POLR3B: variants seen among roughly 807,000 people sequenced by gnomAD.
POLR3B encodes RNA polymerase III subunit B.
A neutral mutation model predicts 147.4 loss-of-function variants in POLR3B; 96 were observed. The ratio of observed to expected loss-of-function variants is 0.65; its 90% CI spans 0.55 to 0.77. The LOEUF (loss-of-function observed/expected upper bound fraction) is 0.77, where lower values mean the gene tolerates loss of function less well. POLR3B is among the 30% of genes least tolerant of loss of function. The pLI is 0.00. For synonymous variants in POLR3B, 461 were observed against 485.9 expected (o/e 0.95, Z 0.67); for missense variants, 1,036 against 1,413.5 (o/e 0.73, Z 4.28).
At chr12:106,415,108 G>C (rs1011710445) in intron 12 of POLR3B, among the ~76,000 whole-genome samples, 1 of 152,142 alleles carries the variant, frequency 6.6e-6, no homozygotes, top group Non-Finnish European at 1.5e-5. Context: ...CAGTGTAACT[G>C]TTAGAGCACA....
chr12:106,490,435 G>A (rs908634803), intron 23 of POLR3B, among the ~76,000 whole-genome samples: 8 of 152,256 alleles, frequency 5.3e-5, no homozygotes, highest in East Asian at 1.9e-4. Flanking sequence ...GTCTTCTAGC[G>A]CCTCCTCTCA....
At chr12:106,498,889 T>G (rs1011947563) in intron 25 of POLR3B, among the ~76,000 whole-genome samples, 61 of 152,338 alleles carry the variant, frequency 4.0e-4, no homozygotes, top group African/African-American at 1.4e-3. Flanking sequence ...CCCTAAGGTT[T>G]TAAACCACTT....
chr12:106,469,725 A>C (rs906805094), intron 23 of POLR3B, among the ~76,000 whole-genome samples: 1 of 152,148 alleles, frequency 6.6e-6, no homozygotes, highest in South Asian at 2.1e-4. Flanking sequence ...GTTTGGCTGG[A>C]TATGAAATTC....
intron 11 of POLR3B, among the ~76,000 whole-genome samples, chr12:106,407,167 T>C (rs2037161725): frequency 6.6e-6 from 1 of 152,220 alleles, no homozygotes; most frequent in African/African-American, 2.4e-5. Context: ...TAAGCTCTTT[T>C]GGATGATTGG....
At chr12:106,480,370 G>C (rs2038249005) in intron 23 of POLR3B, among the ~76,000 whole-genome samples, 1 of 152,132 alleles carries the variant, frequency 6.6e-6, no homozygotes, top group Non-Finnish European at 1.5e-5. Flanking sequence ...CTACTTTATT[G>C]TTGTGCCATT....
rs1028189806 is a variant in POLR3B at position 106,450,839 on chromosome 12, A to T, written c.2084-3663A>T. Among the ~76,000 whole-genome samples the T allele has an allele frequency of 2.6e-5, 4 of 152,204 alleles. No homozygotes were observed. In the South Asian group the frequency reaches 8.3e-4, roughly 32 times the overall value. On this transcript the variant is annotated intron_variant, in intron 19 of 27. Transcript: ENST00000228347. ...CAAACAACCCAGAAATTGCATTCCT[A>T]GGTATTAAATATTTACCCAAGTAAT...
chr12:106,452,802 G>A (rs962610024), intron 19 of POLR3B, among the ~76,000 whole-genome samples: 6 of 152,116 alleles, frequency 3.9e-5, no homozygotes, highest in African/African-American at 1.4e-4. Context: ...GTTTCAGTTT[G>A]ACTTGTTTTT....
In POLR3B at chr12:106,383,359, G is replaced by C. The variant is rs369689615; in HGVS notation, c.723+3220G>C. Among the ~76,000 whole-genome samples, 163 of 152,228 alleles carry C rather than the reference G, an allele frequency of 1.1e-3. 4 individuals are homozygous for C. The East Asian group carries it at 0.017, about 16-fold the overall frequency. ...AACTTTTCCTTTGTGTGCACAACTT[G>C]GTGCAGGAGGCCTAGCTTTTGGCCT... is the stretch of plus-strand genomic sequence containing the variant. On this transcript the variant is annotated intron_variant, in intron 9 of 27. Coordinates refer to ENST00000228347, the MANE Select transcript of POLR3B (RefSeq NM_018082.6).
In POLR3B at chr12:106,393,022, C is replaced by G. The variant is rs773148443; in HGVS notation, c.724-9C>G. ...CCAACACTCTTTCTATCTTTTCTTT[C>G]CTTCCTAGGCCATGGGTGTTGAGAG... On this transcript the variant is annotated splice_polypyrimidine_tract_variant and intron_variant, in intron 9 of 27. Coordinates refer to ENST00000228347, the MANE Select transcript of POLR3B (RefSeq NM_018082.6). 1.2e-6 allele frequency: 2 copies of G among 1,614,048 alleles called. No homozygotes were observed. Among genetic ancestry groups the G allele is most frequent in the Admixed American group, 3.3e-5 (2 of 60,000 alleles).
chr12:106,389,715 A>C (rs1225860279), intron 9 of POLR3B, among the ~76,000 whole-genome samples: 1 of 151,958 alleles, frequency 6.6e-6, no homozygotes, highest in African/African-American at 2.4e-5. Context: ...TCTGAGTGTC[A>C]TGTCTGTACT....
chr12:106,365,941 T>C (rs1429582485), intron 2 of POLR3B, among the ~76,000 whole-genome samples: 4 of 152,034 alleles, frequency 2.6e-5, no homozygotes, highest in Non-Finnish European at 5.9e-5. Flanking sequence ...TCAATATCAC[T>C]GTCTTCCATC....
chr12:106,361,596 A>G (rs754680717), intron 1 of POLR3B, among the ~76,000 whole-genome samples: 6 of 152,164 alleles, frequency 3.9e-5, no homozygotes, highest in Non-Finnish European at 7.4e-5. Context: ...CACTGTGGTA[A>G]CAGGATAGAC....
intron 27 of POLR3B, among the ~76,000 whole-genome samples, chr12:106,509,050 T>C (rs984830723): frequency 6.6e-5 from 10 of 152,224 alleles, no homozygotes; most frequent in Admixed American, 2.0e-4. Context: ...CTTTAAACAA[T>C]GAAAAAAATT....
chr12:106,430,980 C>T (rs936061181), intron 14 of POLR3B, among the ~76,000 whole-genome samples: 1 of 152,152 alleles, frequency 6.6e-6, no homozygotes, highest in African/African-American at 2.4e-5. Context: ...TTCTATAGCA[C>T]CCGCTACTCC....
rs547835696 is a variant in POLR3B at position 106,459,329 on chromosome 12, A to G, written c.2531A>G (p.Asn844Ser). 9 of 1,600,586 alleles carry G rather than the reference A, an allele frequency of 5.6e-6. No individual in the cohort carries two copies. The highest frequency in any genetic ancestry group is 7.7e-6 in the Non-Finnish European group (9 of 1,167,686). ...ACTCAGATTCCTTTGGAAGGAAGTA[A>G]TGTACCACAGCAACCACAGTACAAA... is the stretch of plus-strand genomic sequence containing the variant. ...TVTQIPLEGS[N>S]VPQQPQYKDV... Residue 844 changes from asparagine (N) to serine (S), a missense_variant, in exon 22 of 28, where the codon AAT becomes AGT. Asn to Ser is a conservative substitution (Grantham distance 46, BLOSUM62 1). Transcript: ENST00000228347.
At chr12:106,473,896 A>G (rs1480455523) in intron 23 of POLR3B, among the ~76,000 whole-genome samples, 1 of 151,300 alleles carries the variant, frequency 6.6e-6, no homozygotes, top group Non-Finnish European at 1.5e-5. Context: ...AACTTCCAAC[A>G]CTATGTTGAA....
At chr12:106,367,906 A>C (rs2036554705) in intron 4 of POLR3B, among the ~76,000 whole-genome samples, 1 of 152,174 alleles carries the variant, frequency 6.6e-6, no homozygotes, top group South Asian at 2.1e-4. Flanking sequence ...TTGTGGGCTT[A>C]TCTAATGGTG....
chr12:106,481,483 A>T (rs2038267542), intron 23 of POLR3B, among the ~76,000 whole-genome samples: 1 of 152,144 alleles, frequency 6.6e-6, no homozygotes, highest in Admixed American at 6.5e-5. Flanking sequence ...CTGTCTTCTG[A>T]GCCTTCCCAG....
At chr12:106,395,016 A>G (rs563944761) in intron 10 of POLR3B, among the ~76,000 whole-genome samples, 3 of 152,312 alleles carry the variant, frequency 2.0e-5, no homozygotes, top group Non-Finnish European at 4.4e-5. Flanking sequence ...TCACATTGCT[A>G]TAAAGAAACA....
Sources: allele counts gnomAD v4.1 joint callset (sites outside exome capture counted in the v4.1 genomes callset), GRCh38; gene constraint gnomAD v4.1.1; transcripts MANE v1.5; gene names NCBI Gene and HGNC (gene_info 2026-07-23, HGNC 2026-07-21).